PDE1C: variants seen among roughly 807,000 people sequenced by gnomAD.
The protein encoded by PDE1C is dual specificity calcium/calmodulin-dependent 3',5'-cyclic nucleotide phosphodiesterase 1C.
PDE1C carries 62 observed loss-of-function variants against 93.1 expected under a neutral mutation model. The observed-to-expected ratio is 0.67, with a 90% CI of 0.54 to 0.82. The LOEUF (loss-of-function observed/expected upper bound fraction) is 0.82, where lower values mean the gene tolerates loss of function less well. PDE1C is among the 40% of genes least tolerant of loss of function. PDE1C has a pLI of 0.00. For synonymous variants in PDE1C, 325 were observed against 310.1 expected, an observed-to-expected ratio of 1.05 and a Z score of -0.50; for missense variants, 742 against 884.6, an observed-to-expected ratio of 0.84 and a Z score of 2.04.
At chr7:31,973,873 A>C (rs142768023) in intron 2 of PDE1C, among the ~76,000 whole-genome samples, 1 of 152,332 alleles carries the variant, frequency 6.6e-6, no homozygotes, top group East Asian at 1.9e-4. Flanking sequence ...AGAATCAACA[A>C]CCAAAATTGA....
chr7:31,715,835 C>A, the PDE1C span, among the ~76,000 whole-genome samples: 1 of 152,290 alleles, frequency 6.6e-6, no homozygotes, highest in East Asian at 1.9e-4. Flanking sequence ...CTCATCAGTA[C>A]CTAAATCATC....
At chr7:31,749,253 G>GAAAAAA, downstream of PDE1C, among the ~76,000 whole-genome samples, 1 of 150,778 alleles carries the variant, frequency 6.6e-6, no homozygotes, top group Non-Finnish European at 1.5e-5. Flanking sequence ...TAACTGAATG[G>GAAAAAA]AAAAAAAAAT....
chr7:31,662,077 C>T, the PDE1C span, among the ~76,000 whole-genome samples: 3 of 152,150 alleles, frequency 2.0e-5, no homozygotes, highest in East Asian at 5.8e-4. Flanking sequence ...ACTGTCATCA[C>T]TTTTACTTTT....
At chr7:31,643,199 T>C in the PDE1C span, 5 of 1,613,988 alleles carry the variant, frequency 3.1e-6, no homozygotes, top group Non-Finnish European at 4.2e-6. Flanking sequence ...GACAAGTTCC[T>C]TCATGTTGAC....
chr7:32,307,156 T>A (rs1407838589), intron 1 of PDE1C, among the ~76,000 whole-genome samples: 1 of 152,316 alleles, frequency 6.6e-6, no homozygotes, highest in East Asian at 1.9e-4. Flanking sequence ...AAATTCTCAG[T>A]GACCTAACAC....
chr7:31,643,297 A>G, the PDE1C span: 3 of 1,613,798 alleles, frequency 1.9e-6, no homozygotes, highest in African/African-American at 2.7e-5. Flanking sequence ...ATCACAGTGT[A>G]TCCCCAAGCA....
At chr7:32,020,396 G>GA (rs889697467) in intron 2 of PDE1C, among the ~76,000 whole-genome samples, 6 of 150,986 alleles carry the variant, frequency 4.0e-5, no homozygotes, top group African/African-American at 9.7e-5. Flanking sequence ...TTTTTGGTGA[G>GA]AAAAAAAAAT....
chr7:32,322,631 T>C lies in PDE1C; in HGVS notation c.310+105191A>G, dbSNP rs1783320627. ...TTTTTTTCTTTTTTCTTTTTTTTTT[T>C]TTTGAGATGGAGTCTTGCTCTCTCA... On this transcript the variant is annotated intron_variant, in intron 1 of 1. Transcript: ENST00000672256. Among the ~76,000 whole-genome samples the C allele has an allele frequency of 4.0e-5, 6 of 151,770 alleles. No individual in the cohort carries two copies. The South Asian group carries it at 1.3e-3, about 32-fold the overall frequency.
intron 2 of PDE1C, among the ~76,000 whole-genome samples, chr7:31,956,490 T>C (rs547727450): frequency 7.1e-6 from 1 of 140,216 alleles, no homozygotes; most frequent in South Asian, 2.2e-4. Context: ...GTTCGTTTTG[T>C]TTTTTTTTTT....
intron 2 of PDE1C, among the ~76,000 whole-genome samples, chr7:32,195,739 T>C (rs1804566759): frequency 6.6e-6 from 1 of 152,190 alleles, no homozygotes; most frequent in Admixed American, 6.5e-5. Flanking sequence ...CATGGGTTTC[T>C]TCAGGTTTAT....
chr7:32,213,924 G>A (rs1399589978), intron 1 of PDE1C, among the ~76,000 whole-genome samples: 1 of 152,110 alleles, frequency 6.6e-6, no homozygotes, highest in Non-Finnish European at 1.5e-5. Flanking sequence ...TCTCCTGTGT[G>A]GTGGCATTTG....
chr7:31,648,656 A>G, the PDE1C span, among the ~76,000 whole-genome samples: 3 of 152,176 alleles, frequency 2.0e-5, no homozygotes, highest in African/African-American at 4.8e-5. Context: ...TGTTCAGCCT[A>G]TTTGAGCACT....
chr7:31,764,254 C>G (rs1170083294), intron 17 of PDE1C, among the ~76,000 whole-genome samples: 2 of 152,140 alleles, frequency 1.3e-5, no homozygotes, highest in Non-Finnish European at 2.9e-5. Flanking sequence ...AAGTGATTCT[C>G]CTGCCTCAGA....
At chr7:32,259,847 G>A (rs991692947) in intron 1 of PDE1C, among the ~76,000 whole-genome samples, 1 of 152,112 alleles carries the variant, frequency 6.6e-6, no homozygotes, top group Non-Finnish European at 1.5e-5. Flanking sequence ...GGTGATGAAT[G>A]GGTTTACTTT....
At chr7:31,804,496 G>A (rs946026493) in intron 16 of PDE1C, among the ~76,000 whole-genome samples, 2 of 151,600 alleles carry the variant, frequency 1.3e-5, no homozygotes, top group Admixed American at 6.6e-5. Context: ...AGACTCCCAG[G>A]GGATGTCTAA....
intron 3 of PDE1C, among the ~76,000 whole-genome samples, chr7:32,085,277 C>T (rs1165904034): frequency 1.5e-5 from 2 of 135,432 alleles, no homozygotes; most frequent in Non-Finnish European, 3.2e-5. Context: ...TTCCTCGACA[C>T]ATACACCCTC....
intron 5 of PDE1C, among the ~76,000 whole-genome samples, chr7:31,877,427 A>G (rs2128873107): frequency 6.6e-6 from 1 of 152,268 alleles, no homozygotes; most frequent in East Asian, 1.9e-4. Context: ...GGCTATATAG[A>G]TGGGACAAAG....
At chr7:31,736,405 T>TCACTCCTACTGGACCCAGGC in the PDE1C span, among the ~76,000 whole-genome samples, 2 of 152,200 alleles carry the variant, frequency 1.3e-5, no homozygotes, top group Admixed American at 1.3e-4. Context: ...GAGACCCAGG[T>TCACTCCTACTGGACCCAGGC]TCACTCCTAC....
intron 9 of PDE1C, among the ~76,000 whole-genome samples, chr7:31,838,367 T>C (rs1326209246): frequency 6.6e-6 from 1 of 152,182 alleles, no homozygotes; most frequent in Non-Finnish European, 1.5e-5. Context: ...TTTTTAAAAA[T>C]AGCTTGATTT....
Sources: allele counts gnomAD v4.1 joint callset (sites outside exome capture counted in the v4.1 genomes callset), GRCh38; gene constraint gnomAD v4.1.1; transcripts MANE v1.5; gene names NCBI Gene and HGNC (gene_info 2026-07-23, HGNC 2026-07-21).